SLC6A3: variants seen among roughly 807,000 people sequenced by gnomAD.
SLC6A3 encodes the protein solute carrier family 6 member 3, also known as sodium-dependent dopamine transporter.
SLC6A3 carries 19 observed loss-of-function variants against 70.4 expected under a neutral mutation model. The ratio of observed to expected loss-of-function variants is 0.27; its 90% CI spans 0.19 to 0.40. SLC6A3 has a LOEUF of 0.40. SLC6A3 is among the 10% of genes least tolerant of loss of function. SLC6A3 has a pLI of 1.00. For missense variants in SLC6A3, 613 were observed against 838.5 expected (o/e 0.73, Z 3.32); for synonymous variants, 368 against 356.6 (o/e 1.03, Z -0.36).
chr5:1,400,697 G>A (rs1017999193), intron 14 of SLC6A3, among the ~76,000 whole-genome samples: 3 of 152,152 alleles, frequency 2.0e-5, no homozygotes, highest in African/African-American at 4.8e-5. Flanking sequence ...CTGTGCAGCC[G>A]CACCTCCCAG....
rs1755870701 is a variant in SLC6A3, at chr5:1,402,418, A to G, written c.1767+504T>C. Among the ~76,000 whole-genome samples, 1 of 151,994 alleles carries G rather than the reference A, an allele frequency of 6.6e-6. No individual in the cohort carries two copies. The highest frequency in any genetic ancestry group is 1.5e-5 in the Non-Finnish European group (1 of 68,004). ...CCTGGGGCTCCAGCTGCCCCTGTTC[A>G]GCCAAAGTTGGGCTCGGCCCTGGGG... On this transcript the variant is annotated intron_variant, in intron 13 of 14. Coordinates refer to ENST00000270349, the MANE Select transcript of SLC6A3 (RefSeq NM_001044.5). This position sits in a 1 kb window ranked among gnomAD's most constrained non-coding sequence, Gnocchi z 8.5.
Position 1,413,806 on chromosome 5 carries a change from C to G in SLC6A3, c.1156+885G>C, listed in dbSNP as rs1223995524. ...AGCTCTCGGTTGGCCCAAGTTAGGG[C>G]TGCCAACGCCACAGCTTTCCACTGC... is the stretch of plus-strand genomic sequence containing the variant. On this transcript the variant is annotated intron_variant, in intron 8 of 14. Transcript: ENST00000270349. This position sits in a 1 kb window ranked among gnomAD's most constrained non-coding sequence, Gnocchi z 7.1. Among the ~76,000 whole-genome samples, 1 of 152,192 alleles carries G rather than the reference C, an allele frequency of 6.6e-6. No homozygotes were observed. The highest frequency in any genetic ancestry group is 2.4e-5 in the African/African-American group (1 of 41,448).
rs28363077 is a variant in SLC6A3 at position 1,413,876 on chromosome 5, C to T, written c.1156+815G>A. ...GTGGCCCCAAGTGCCTGGGCCCACTCTCAGCCCCTGCATCTGTGCCCGTCC... is the reference window on the plus strand; with the variant it reads ...GTGGCCCCAAGTGCCTGGGCCCACTTTCAGCCCCTGCATCTGTGCCCGTCC... On this transcript the variant is annotated intron_variant, in intron 8 of 14. Transcript: ENST00000270349. This position sits in a 1 kb window ranked among gnomAD's most constrained non-coding sequence, Gnocchi z 7.1. Among the ~76,000 whole-genome samples, 292 of 152,338 alleles carry T rather than the reference C, an allele frequency of 1.9e-3. No homozygotes were observed. Among genetic ancestry groups the T allele is most frequent in the East Asian group, 0.01 (53 of 5,186 alleles).
At chr5:1,443,359 G>A in intron 1 of SLC6A3, 117 bp from the exon 2 acceptor site, 1 of 810,512 alleles carries the variant, frequency 1.2e-6, no homozygotes, top group East Asian at 2.6e-5. Context: ...CATTCCTCTG[G>A]GAAGGGATGG....
rs28382250 is a variant in SLC6A3 at position 1,416,869 on chromosome 5, G to A, written c.928-668C>T. On this transcript the variant is annotated intron_variant, in intron 6 of 14. Transcript: ENST00000270349. ...GGCCTCATCCACACATGACATGACC[G>A]CAGCGTCCTAACAACCCTCGGAACA... Among the ~76,000 whole-genome samples, 475 of 151,736 alleles carry A rather than the reference G, an allele frequency of 3.1e-3. 4 individuals carry two copies. Among genetic ancestry groups the A allele is most frequent in the African/African-American group, 0.01 (431 of 41,302 alleles).
chr5:1,442,378 G>A lies in SLC6A3; in HGVS notation c.286+534C>T, dbSNP rs373210944. Among the ~76,000 whole-genome samples the A allele has an allele frequency of 6.6e-6, 1 of 152,136 alleles. No homozygotes were observed. The highest frequency in any genetic ancestry group is 1.5e-5 in the Non-Finnish European group (1 of 68,016). On this transcript the variant is annotated intron_variant, in intron 2 of 14. Coordinates refer to ENST00000270349, the MANE Select transcript of SLC6A3 (RefSeq NM_001044.5). The surrounding 1 kb of genome is among the most constrained non-coding windows in gnomAD (Gnocchi z 5.0). ...CAGGGAGGCTGGGAGGCCCAAAGAG[G>A]CTCCTGGGAAGGGATCACCAATGTT...
At position 1,436,604 on chromosome 5, in the gene SLC6A3, T is replaced by C. The variant is rs1359214232; in HGVS notation, c.419-3906A>G. Among the ~76,000 whole-genome samples, 1 of 152,236 alleles carries C rather than the reference T, an allele frequency of 6.6e-6. No individual in the cohort carries two copies. The highest frequency in any genetic ancestry group is 1.5e-5 in the Non-Finnish European group (1 of 68,034). Reference sequence around the variant, plus strand: ...CTTTATATTAACCTTGTGTGTAGTTTGTTTTGTGTTTGAGAAATCACACTA... The same window carrying C: ...CTTTATATTAACCTTGTGTGTAGTTCGTTTTGTGTTTGAGAAATCACACTA... On this transcript the variant is annotated intron_variant, in intron 3 of 14. Coordinates refer to ENST00000270349, the MANE Select transcript of SLC6A3 (RefSeq NM_001044.5). This position sits in a 1 kb window ranked among gnomAD's most constrained non-coding sequence, Gnocchi z 5.2.
At chr5:1,414,855 C>A (rs1389190945) in intron 7 of SLC6A3, 40 bp from the exon 8 acceptor site, 1 of 1,611,884 alleles carries the variant, frequency 6.2e-7, no homozygotes, top group Admixed American at 1.7e-5. Flanking sequence ...ACCAGCTGAG[C>A]TGCAGCAGCT....
intron 6 of SLC6A3, among the ~76,000 whole-genome samples, chr5:1,419,323 T>C (rs868799592): frequency 2.8e-5 from 4 of 142,856 alleles, no homozygotes; most frequent in East Asian, 2.2e-4. Context: ...TACCTAGCAT[T>C]CATCCATCCA....
rs540824168 is a variant in SLC6A3, at chr5:1,432,704, G to A, written c.419-6C>T. 1.1e-5 allele frequency: 17 copies of A among 1,608,904 alleles called. No homozygotes were observed. The highest frequency in any genetic ancestry group is 3.3e-5 in the Admixed American group (2 of 59,898). On this transcript the variant is annotated splice_region_variant and splice_polypyrimidine_tract_variant and intron_variant, in intron 3 of 14. Coordinates refer to ENST00000270349, the MANE Select transcript of SLC6A3 (RefSeq NM_001044.5). ...GATGACCGTGAAGCCCACACCTAGC[G>A]GGAAGGGGGAGGCCATGGAGCCCAC...
chr5:1,430,883 G>A (rs1350853715), intron 4 of SLC6A3, among the ~76,000 whole-genome samples: 1 of 151,510 alleles, frequency 6.6e-6, no homozygotes, highest in Non-Finnish European at 1.5e-5. Context: ...ATTTTGCAAA[G>A]GCACCTACTG....
At position 1,397,667 on chromosome 5, in the gene SLC6A3, T is replaced by A. The variant is rs181515393; in HGVS notation, c.1840-2909A>T. 6.6e-6 allele frequency among the ~76,000 whole-genome samples: 1 copy of A among 152,308 alleles called. No individual in the cohort carries two copies. Among genetic ancestry groups the A allele is most frequent in the Non-Finnish European group, 1.5e-5 (1 of 68,030 alleles). The stretch of plus-strand genomic sequence containing the variant: ...GAGCCCTGAGCCCACAACAGTGCTT[T>A]CGTGAATGAGAGCAGCATAAAGATG... On this transcript the variant is annotated intron_variant, in intron 14 of 14. Transcript: ENST00000270349. The surrounding 1 kb of genome is among the most constrained non-coding windows in gnomAD (Gnocchi z 4.7).
intron 8 of SLC6A3, among the ~76,000 whole-genome samples, chr5:1,414,421 C>CAG (rs781377663): frequency 5.5e-5 from 4 of 73,064 alleles, no homozygotes; most frequent in African/African-American, 1.6e-4. Flanking sequence ...AGGGGCAGGG[C>CAG]GGAGAAGGCA....
chr5:1,432,291 C>T (rs1756722063), intron 4 of SLC6A3, among the ~76,000 whole-genome samples, 173 bp downstream of exon 4: 1 of 152,156 alleles, frequency 6.6e-6, no homozygotes, highest in Non-Finnish European at 1.5e-5. Flanking sequence ...TGGAGACCAC[C>T]ACAGTGATTC....
In SLC6A3 at chr5:1,420,445, C is replaced by T; in HGVS notation, c.927+124G>A. The stretch of plus-strand genomic sequence containing the variant: ...ATCACAGGTACTTGGGATTTGGCTT[C>T]CCGAGGAAAGAACCCTGGTGTCTGC... On this transcript the variant is annotated intron_variant, in intron 6 of 14. Transcript: ENST00000270349. 5 of 1,136,140 alleles carry T rather than the reference C, an allele frequency of 4.4e-6. No individual in the cohort carries two copies. In the South Asian group the frequency reaches 6.2e-5, roughly 14 times the overall value. The allele number at this position is 1,136,140 out of a possible 1,614,324, so 70.4% of individuals were successfully genotyped here. A position where few individuals can be genotyped will look rare whatever the true frequency, so the allele number is the denominator to read the frequency against.
At chr5:1,400,472 C>A (rs963686683) in intron 14 of SLC6A3, among the ~76,000 whole-genome samples, 1 of 152,186 alleles carries the variant, frequency 6.6e-6, no homozygotes, top group African/African-American at 2.4e-5. Context: ...CAGCCCCAGG[C>A]TCCCAGGCCT....
At position 1,414,825 on chromosome 5, in the gene SLC6A3, C is replaced by G. The variant is rs760359978; in HGVS notation, c.1032-10G>C. On this transcript the variant is annotated splice_polypyrimidine_tract_variant and intron_variant, in intron 7 of 14. Coordinates refer to ENST00000270349, the MANE Select transcript of SLC6A3 (RefSeq NM_001044.5). ...GGTGACAATCGCGTCCCTGTAAGAA[C>G]AAGACACGCCGTCTCAGGAACCAGC... 25 of 1,612,848 alleles carry G rather than the reference C, an allele frequency of 1.6e-5. No individual in the cohort carries two copies. The highest frequency in any genetic ancestry group is 1.5e-5 in the Non-Finnish European group (18 of 1,179,832).
In SLC6A3 at chr5:1,406,359, G is replaced by A. The variant is rs1755979175; in HGVS notation, c.1499-71C>T. The A allele has an allele frequency of 3.8e-6, 5 of 1,322,826 alleles. No individual in the cohort carries two copies. The highest frequency in any genetic ancestry group is 5.5e-6 in the Non-Finnish European group (5 of 916,082). 81.9% of individuals were successfully genotyped at this position (1,322,826 alleles called of 1,614,324 possible). On this transcript the variant is annotated intron_variant, in intron 11 of 14. Transcript: ENST00000270349. The surrounding 1 kb of genome is among the most constrained non-coding windows in gnomAD (Gnocchi z 8.8). ...CCCCCGATGCTGGACACGTGTGGGG[G>A]TCCTCGCTGACTCCCAAGGGCCCCA...
At chr5:1,418,205 G>T (rs369602193) in intron 6 of SLC6A3, among the ~76,000 whole-genome samples, 92 of 152,252 alleles carry the variant, frequency 6.0e-4, no homozygotes, top group African/African-American at 2.0e-3. Flanking sequence ...GGGAGCGCCT[G>T]CCTCCTCCTC....
Sources: allele counts gnomAD v4.1 joint callset (sites outside exome capture counted in the v4.1 genomes callset), GRCh38; gene constraint gnomAD v4.1.1; non-coding constraint Gnocchi (gnomAD v3.1); transcripts MANE v1.5; gene names NCBI Gene and HGNC (gene_info 2026-07-23, HGNC 2026-07-21).